UHRF2: variants seen among roughly 807,000 people sequenced by gnomAD.
UHRF2 encodes the protein ubiquitin like with PHD and ring finger domains 2.
A neutral mutation model predicts 96.8 loss-of-function variants in UHRF2; 23 were observed. The ratio of observed to expected loss-of-function variants is 0.24; its 90% CI spans 0.17 to 0.34. The LOEUF (loss-of-function observed/expected upper bound fraction) is 0.34, where lower values mean the gene tolerates loss of function less well. UHRF2 is among the 10% of genes least tolerant of loss of function. The probability of loss-of-function intolerance (pLI) is 1.00; values close to 1 mark genes in which losing one functional copy is unlikely to be tolerated. For missense variants in UHRF2, 685 were observed against 981.5 expected (o/e 0.70, Z 4.04); for synonymous variants, 385 against 332.6 (o/e 1.16, Z -1.72).
At chr9:6,461,319 C>A (rs1019877016) in intron 4 of UHRF2, among the ~76,000 whole-genome samples, 9 of 149,974 alleles carry the variant, frequency 6.0e-5, no homozygotes, top group Non-Finnish European at 1.3e-4. Flanking sequence ...TTCTTTTTTT[C>A]TTTCTGTCTC....
At position 6,485,839 on chromosome 9, in the gene UHRF2, A is replaced by T. The variant is rs528959132; in HGVS notation, c.1393-982A>T. On this transcript the variant is annotated intron_variant, in intron 8 of 15. Transcript: ENST00000276893. ...AAAAAAAAAAAAAAACAAAACCCAA[A>T]ACCAATTGTATGACCAACAGATGAA... Among the ~76,000 whole-genome samples the T allele has an allele frequency of 9.3e-5, 14 of 151,314 alleles. No homozygotes were observed. In the South Asian group the frequency reaches 2.7e-3, roughly 29 times the overall value.
intron 8 of UHRF2, 74 bp downstream of exon 8, chr9:6,482,173 T>TTGTAAGTGAACCTA (rs1296785100): frequency 8.2e-7 from 1 of 1,222,250 alleles, no homozygotes; most frequent in Non-Finnish European, 1.2e-6. Flanking sequence ...TGTCTGTTGA[T>TTGTAAGTGAACCTA]TGTAAGTGAA....
intron 4 of UHRF2, among the ~76,000 whole-genome samples, chr9:6,470,991 A>T (rs917304192): frequency 6.6e-6 from 1 of 152,204 alleles, no homozygotes; most frequent in Non-Finnish European, 1.5e-5. Context: ...AGATTAAAAT[A>T]AAAAAATCCA....
chr9:6,479,119 G>T (rs1823768603), intron 6 of UHRF2, among the ~76,000 whole-genome samples: 1 of 151,556 alleles, frequency 6.6e-6, no homozygotes, highest in East Asian at 1.9e-4. Flanking sequence ...AACCTTCCTT[G>T]ATCCCATTTC....
chr9:6,415,166 A>G (rs1819522284), intron 1 of UHRF2: 2 of 152,234 alleles, frequency 1.3e-5, no homozygotes, highest in Non-Finnish European at 2.9e-5. Flanking sequence ...AATCTTTATT[A>G]TCAAATATGC....
chr9:6,493,107 G>T (rs1306989644), intron 9 of UHRF2, among the ~76,000 whole-genome samples: 1 of 152,104 alleles, frequency 6.6e-6, no homozygotes. Context: ...AGACCAACAT[G>T]GCCAACATGA....
chr9:6,485,811 A>G (rs1824247606), intron 8 of UHRF2, among the ~76,000 whole-genome samples: 1 of 128,166 alleles, frequency 7.8e-6, no homozygotes, highest in African/African-American at 3.9e-5. Flanking sequence ...CCCAAAAAAA[A>G]AAAAAAAAAA....
intron 9 of UHRF2, among the ~76,000 whole-genome samples, chr9:6,491,094 A>C (rs1563802869): frequency 6.6e-6 from 1 of 152,210 alleles, no homozygotes; most frequent in Non-Finnish European, 1.5e-5. Flanking sequence ...CTTAAGAATT[A>C]ATCAAATGCC....
rs529698633 is a variant in UHRF2 at position 6,499,994 on chromosome 9, C to CG, written c.2005+67dup. On this transcript the variant is annotated intron_variant, in intron 13 of 15. Transcript: ENST00000276893. ...ACTTTTGTTGTTGTTGTTGTTGAGA[C>CG]GGGGTCTCACTCTTGTCACCCAGGC... 2.2e-3 allele frequency: 2,844 copies of CG among 1,300,504 alleles called. 8 individuals are homozygous for CG. Among genetic ancestry groups the CG allele is most frequent in the Non-Finnish European group, 2.8e-3 (2,571 of 930,188 alleles). 80.6% of individuals were successfully genotyped at this position (1,300,504 alleles called of 1,614,324 possible). A position where few individuals can be genotyped will look rare whatever the true frequency, so the allele number is the denominator to read the frequency against.
chr9:6,451,945 A>T (rs949296594), intron 3 of UHRF2, among the ~76,000 whole-genome samples: 2 of 151,986 alleles, frequency 1.3e-5, no homozygotes, highest in African/African-American at 2.4e-5. Flanking sequence ...AGTTTGGTTT[A>T]CGCTTCTGTT....
chr9:6,425,600 A>T (rs888980077), intron 2 of UHRF2, among the ~76,000 whole-genome samples: 14 of 143,034 alleles, frequency 9.8e-5, no homozygotes, highest in South Asian at 4.4e-4. Flanking sequence ...GCCGAAAATT[A>T]AAAAAAAAAA....
intron 3 of UHRF2, among the ~76,000 whole-genome samples, chr9:6,455,515 C>G (rs1331991880): frequency 6.6e-6 from 1 of 152,118 alleles, no homozygotes; most frequent in Non-Finnish European, 1.5e-5. Context: ...ATATATGCCA[C>G]ATTTTCTTAA....
intron 3 of UHRF2, among the ~76,000 whole-genome samples, chr9:6,443,274 A>G (rs1487179636): frequency 6.6e-6 from 1 of 152,222 alleles, no homozygotes; most frequent in Non-Finnish European, 1.5e-5. Context: ...AAAATAACAC[A>G]GTGTGCCAAG....
At chr9:6,467,913 A>T (rs1033938772) in intron 4 of UHRF2, among the ~76,000 whole-genome samples, 2 of 151,894 alleles carry the variant, frequency 1.3e-5, no homozygotes, top group Non-Finnish European at 2.9e-5. Flanking sequence ...GGTGTGGTTT[A>T]TTTCTCATTT....
rs559782645 is a variant in UHRF2 at position 6,504,966 on chromosome 9, C to G, written c.2262+275C>G. Among the ~76,000 whole-genome samples, 3 of 152,074 alleles carry G rather than the reference C, an allele frequency of 2.0e-5. No homozygotes were observed. In the East Asian group the frequency reaches 5.8e-4, roughly 29 times the overall value. Reference sequence around the variant, plus strand: ...GAAGGTAAGAGGTCATTGCTCTTGTCTGTAATAGCTTATATGTTTTATATA... The same window carrying G: ...GAAGGTAAGAGGTCATTGCTCTTGTGTGTAATAGCTTATATGTTTTATATA... On this transcript the variant is annotated intron_variant, in intron 15 of 15. Coordinates refer to ENST00000276893, the MANE Select transcript of UHRF2 (RefSeq NM_152896.3).
At chr9:6,476,141 CT>C (rs1421451506) in intron 5 of UHRF2, among the ~76,000 whole-genome samples, 1 of 152,104 alleles carries the variant, frequency 6.6e-6, no homozygotes, top group Non-Finnish European at 1.5e-5. Context: ...CACATTTGTC[CT>C]TCTGTACTTG....
chr9:6,416,535 C>CTTTTTTTTTTTTTTTTT (rs60522189), intron 1 of UHRF2, among the ~76,000 whole-genome samples: 1 of 64,934 alleles, frequency 1.5e-5, no homozygotes, highest in Non-Finnish European at 2.7e-5. Context: ...ATCTCTAAAT[C>CTTTTTTTTTTTTTTTTT]TTTTTTTTTT....
chr9:6,414,832 C>T (rs1292622071), intron 1 of UHRF2, among the ~76,000 whole-genome samples: 2 of 152,164 alleles, frequency 1.3e-5, no homozygotes, highest in East Asian at 1.9e-4. Flanking sequence ...TTCCTTCTCT[C>T]TTTAAAATAA....
chr9:6,436,575 ATAT>A (rs1563754357), intron 3 of UHRF2, among the ~76,000 whole-genome samples: 1 of 152,224 alleles, frequency 6.6e-6, no homozygotes, highest in African/African-American at 2.4e-5. Flanking sequence ...TTGGCAAATA[ATAT>A]TATGCAGAAT....
Sources: allele counts gnomAD v4.1 joint callset (sites outside exome capture counted in the v4.1 genomes callset), GRCh38; gene constraint gnomAD v4.1.1; transcripts MANE v1.5; gene names NCBI Gene and HGNC (gene_info 2026-07-23, HGNC 2026-07-21).